The following CPEB3 variants were observed in gnomAD, a reference collection of about 807,000 sequenced individuals.
CPEB3 encodes cytoplasmic polyadenylation element-binding protein 3.
CPEB3 carries 20 observed loss-of-function variants against 67.2 expected under a neutral mutation model. That is an observed-to-expected ratio of 0.30 (90% CI 0.21 to 0.43). The LOEUF is 0.43. Ranked by LOEUF, CPEB3 falls within the 20% of genes least tolerant of loss-of-function variation. CPEB3 has a pLI of 1.00. For synonymous variants in CPEB3, 376 were observed against 393.1 expected (o/e 0.96, Z 0.51); for missense variants, 746 against 968.6 (o/e 0.77, Z 3.05).
At chr10:92,122,279 T>C (rs1056263008) in intron 6 of CPEB3, among the ~76,000 whole-genome samples, 1 of 152,184 alleles carries the variant, frequency 6.6e-6, no homozygotes, top group Non-Finnish European at 1.5e-5. Flanking sequence ...GTAAAGGCAT[T>C]CCAAGTTCAG....
At chr10:92,082,676 T>C (rs921564373) in intron 8 of CPEB3, among the ~76,000 whole-genome samples, 1 of 152,150 alleles carries the variant, frequency 6.6e-6, no homozygotes, top group Non-Finnish European at 1.5e-5. Context: ...CTGAAGGTAA[T>C]TGTTTACTTG....
chr10:92,181,391 TAG>T (rs1848456010), intron 3 of CPEB3, among the ~76,000 whole-genome samples: 1 of 96,590 alleles, frequency 1.0e-5, no homozygotes, highest in Admixed American at 1.1e-4. Flanking sequence ...AAAAAAAAAA[TAG>T]ATTCAAACAA....
At chr10:92,184,143 C>T (rs10882028) in intron 3 of CPEB3, among the ~76,000 whole-genome samples, 103,019 of 152,104 alleles carry the variant, frequency 0.68, 36,663 homozygotes, top group African/African-American at 0.9. Context: ...ACCTAAACTT[C>T]CTTATGATGC....
At position 92,055,368 on chromosome 10, in the gene CPEB3, G is replaced by A. The variant is rs1842071244; in HGVS notation, c.1870-2929C>T. 2.0e-5 allele frequency among the ~76,000 whole-genome samples: 3 copies of A among 152,210 alleles called. No homozygotes were observed. The South Asian group carries it at 6.2e-4, about 32-fold the overall frequency. On this transcript the variant is annotated intron_variant, in intron 9 of 9. Coordinates refer to ENST00000265997, the MANE Select transcript of CPEB3 (RefSeq NM_014912.5). ...GATGCCTTATTTACCAGCTTTCTTA[G>A]GGAATAACATATACCTCAAGTTATT...
At chr10:92,151,083 T>A (rs1246872440) in intron 4 of CPEB3, among the ~76,000 whole-genome samples, 3 of 152,144 alleles carry the variant, frequency 2.0e-5, no homozygotes, top group Non-Finnish European at 4.4e-5. Flanking sequence ...GCAGGAAAAG[T>A]GCCAAATAGA....
intron 7 of CPEB3, among the ~76,000 whole-genome samples, chr10:92,105,055 C>G (rs181949662): frequency 2.6e-5 from 4 of 152,004 alleles, no homozygotes; most frequent in Non-Finnish European, 5.9e-5. Flanking sequence ...CAAGAGCCAC[C>G]GTGCCCAGCC....
At chr10:92,247,850 C>T (rs1022244072) in intron 1 of CPEB3, among the ~76,000 whole-genome samples, 3 of 152,094 alleles carry the variant, frequency 2.0e-5, no homozygotes, top group Admixed American at 1.3e-4. Context: ...CTTGAGATCA[C>T]AGAACTTCAC....
intron 4 of CPEB3, among the ~76,000 whole-genome samples, chr10:92,149,662 G>A (rs1043050201): frequency 2.0e-5 from 3 of 152,114 alleles, no homozygotes; most frequent in East Asian, 1.9e-4. Context: ...TTTAGAGTAC[G>A]ATAGACGTTA....
intron 2 of CPEB3, among the ~76,000 whole-genome samples, chr10:92,200,659 G>A (rs1453412852): frequency 6.8e-6 from 1 of 146,670 alleles, no homozygotes; most frequent in Non-Finnish European, 1.5e-5. Flanking sequence ...TTATCAGATT[G>A]TGTTTTTACT....
At chr10:92,106,118 C>T (rs1844438756) in intron 7 of CPEB3, among the ~76,000 whole-genome samples, 2 of 152,000 alleles carry the variant, frequency 1.3e-5, no homozygotes. Flanking sequence ...GTCTCGAACT[C>T]CTGACCTCAA....
At chr10:92,098,515 G>T (rs1479252295) in intron 7 of CPEB3, among the ~76,000 whole-genome samples, 1 of 152,028 alleles carries the variant, frequency 6.6e-6, no homozygotes, top group Non-Finnish European at 1.5e-5. Context: ...CTCCATGTTG[G>T]TCGGGATGGT....
intron 4 of CPEB3, among the ~76,000 whole-genome samples, chr10:92,176,858 T>A (rs1281733658): frequency 6.6e-6 from 1 of 152,260 alleles, no homozygotes; most frequent in East Asian, 1.9e-4. Flanking sequence ...AACAAACTTG[T>A]CGAACCTGCG....
intron 1 of CPEB3, among the ~76,000 whole-genome samples, chr10:92,290,324 A>C (rs1296209688): frequency 1.3e-5 from 2 of 151,094 alleles, no homozygotes; most frequent in Non-Finnish European, 2.9e-5. Context: ...GTGACTGATG[A>C]TTTCTCCTTT....
intron 7 of CPEB3, among the ~76,000 whole-genome samples, chr10:92,096,691 C>G (rs1389877245): frequency 2.6e-5 from 4 of 152,036 alleles, no homozygotes. Flanking sequence ...TTTCTGTAAT[C>G]CCAGCACTTT....
chr10:92,191,490 A>C (rs2134169449), intron 3 of CPEB3, among the ~76,000 whole-genome samples: 1 of 152,290 alleles, frequency 6.6e-6, no homozygotes, highest in Admixed American at 6.5e-5. Flanking sequence ...TCACTGGAAA[A>C]TGAGGAAAGC....
At chr10:92,082,817 G>A (rs57100892) in intron 8 of CPEB3, among the ~76,000 whole-genome samples, 1,712 of 152,182 alleles carry the variant, frequency 0.011, 27 homozygotes, top group African/African-American at 0.039. Flanking sequence ...TATAGTATTT[G>A]GAAAGGAGAA....
At chr10:92,078,099 T>C (rs1210525504) in intron 9 of CPEB3, among the ~76,000 whole-genome samples, 1 of 152,162 alleles carries the variant, frequency 6.6e-6, no homozygotes, top group East Asian at 1.9e-4. Context: ...TCTTCCAGGC[T>C]TCTCACCAAT....
chr10:92,064,525 G>A (rs1029067559), intron 9 of CPEB3, among the ~76,000 whole-genome samples: 1 of 152,122 alleles, frequency 6.6e-6, no homozygotes, highest in Non-Finnish European at 1.5e-5. Context: ...ATGCTACAAG[G>A]GGCCATTGCA....
intron 6 of CPEB3, among the ~76,000 whole-genome samples, chr10:92,117,049 G>A (rs1445360180): frequency 6.6e-6 from 1 of 152,074 alleles, no homozygotes; most frequent in East Asian, 1.9e-4. Context: ...TTTTGAGACA[G>A]AGTCTCGCTC....
Sources: gnomAD v4.1 joint callset for allele counts (sites outside exome capture counted in the v4.1 genomes callset) on GRCh38, gnomAD v4.1.1 for gene constraint, MANE v1.5 for transcripts, NCBI Gene and HGNC (gene_info 2026-07-23, HGNC 2026-07-21) for gene names.